The following NAV3 variants were observed in gnomAD, a reference collection of about 807,000 sequenced individuals.
The protein encoded by NAV3 is pore membrane and/or filament interacting like protein 1.
NAV3 carries 87 observed loss-of-function variants against 244.7 expected under a neutral mutation model. That is an observed-to-expected ratio of 0.36 (90% CI 0.30 to 0.42). The LOEUF (loss-of-function observed/expected upper bound fraction) is 0.42. Ranked by LOEUF, NAV3 falls within the 20% of genes least tolerant of loss-of-function variation. NAV3 has a pLI of 1.00. For synonymous variants in NAV3, 1,126 were observed against 1,042.2 expected (o/e 1.08, Z -1.55); for missense variants, 2,663 against 2,893.3 (o/e 0.92, Z 1.83).
intron 9 of NAV3, among the ~76,000 whole-genome samples, chr12:78,049,491 G>A (rs887438437): frequency 3.9e-5 from 6 of 152,130 alleles, no homozygotes; most frequent in Non-Finnish European, 7.4e-5. Context: ...CACTTCCCAG[G>A]TGAGGCAACA....
At chr12:77,928,346 C>A (rs1183848043) in intron 1 of NAV3, among the ~76,000 whole-genome samples, 1 of 151,878 alleles carries the variant, frequency 6.6e-6, no homozygotes, top group East Asian at 1.9e-4. Flanking sequence ...TAAATGAATG[C>A]CGAGGGGTTC....
In NAV3 at chr12:78,079,684, G is replaced by A. The variant is rs187543972; in HGVS notation, c.2636+20569G>A. Among the ~76,000 whole-genome samples the A allele has an allele frequency of 4.3e-3, 657 of 152,200 alleles. 3 individuals carry two copies. The highest frequency in any genetic ancestry group is 0.015 in the African/African-American group (613 of 41,542). ...TCTTTACAAATAAGACAATAAACAG[G>A]AGGCTTTTTTATTTAGAGAATGGCT... On this transcript the variant is annotated intron_variant, in intron 12 of 39. Transcript: ENST00000397909.
At chr12:77,915,950 A>G (rs974929503) in intron 1 of NAV3, among the ~76,000 whole-genome samples, 1 of 152,056 alleles carries the variant, frequency 6.6e-6, no homozygotes, top group African/African-American at 2.4e-5. Flanking sequence ...ATCAGGAGAC[A>G]AAGTTATGGT....
intron 2 of NAV3, among the ~76,000 whole-genome samples, chr12:77,694,258 A>T (rs1875181184): frequency 6.6e-6 from 1 of 151,712 alleles, no homozygotes; most frequent in South Asian, 2.1e-4. Context: ...TGAGGTCAGG[A>T]GATGGAGACC....
At chr12:78,076,865 T>C (rs1953077798) in intron 12 of NAV3, among the ~76,000 whole-genome samples, 1 of 152,192 alleles carries the variant, frequency 6.6e-6, no homozygotes, top group Admixed American at 6.5e-5. Flanking sequence ...TTCTAGCTTG[T>C]GGTAATTTTA....
chr12:78,127,176 T>C lies in NAV3; in HGVS notation c.4248T>C (p.Leu1416=), dbSNP rs752875925. The part of the protein sequence containing the change: ...VRSTLSESMQ[L]DRNTLPKKGL... ...TTCTTTGTTTTAACAGCATGCAGCT[T>C]GACAGAAATACACTACCCAAAAAGG... The change falls in exon 17 of 40, where the codon CTT becomes CTC. Residue 1416 remains leucine (L), a synonymous_variant. Transcript: ENST00000397909. The C allele has an allele frequency of 1.2e-6, 2 of 1,613,810 alleles. No individual in the cohort carries two copies. Among genetic ancestry groups the C allele is most frequent in the East Asian group, 4.5e-5 (2 of 44,852 alleles).
intron 12 of NAV3, among the ~76,000 whole-genome samples, chr12:78,100,616 A>T (rs1187514784): frequency 6.6e-6 from 1 of 152,054 alleles, no homozygotes; most frequent in Admixed American, 6.6e-5. Flanking sequence ...TGTTTTTAAA[A>T]CATATATCTG....
intron 9 of NAV3, among the ~76,000 whole-genome samples, chr12:78,032,170 A>G (rs953821979): frequency 6.6e-6 from 1 of 152,122 alleles, no homozygotes; most frequent in Non-Finnish European, 1.5e-5. Context: ...AATCATCCCT[A>G]TTGCATGACC....
chr12:78,200,596 A>G lies in NAV3; in HGVS notation c.6834+5A>G, dbSNP rs750748797. 1 of 1,422,776 alleles carries G rather than the reference A, an allele frequency of 7.0e-7. No individual in the cohort carries two copies. Among genetic ancestry groups the G allele is most frequent in the South Asian group, 1.4e-5 (1 of 69,114 alleles). 88.1% of individuals were successfully genotyped at this position (1,422,776 alleles called of 1,614,324 possible). On this transcript the variant is annotated splice_donor_5th_base_variant and intron_variant, in intron 38 of 39. Coordinates refer to ENST00000397909, the MANE Select transcript of NAV3 (RefSeq NM_001024383.2). ...GCAGTGAGAGAGGGTCTTCAGGTAT[A>G]GTACTCAATTTTCATTGCTATTTTT...
intron 2 of NAV3, among the ~76,000 whole-genome samples, chr12:77,599,235 C>T (rs1163264883): frequency 6.6e-6 from 1 of 151,884 alleles, no homozygotes; most frequent in Non-Finnish European, 1.5e-5. Flanking sequence ...TTCAATATTC[C>T]ATTGATACTA....
At chr12:78,074,075 T>C (rs1952921665) in intron 12 of NAV3, among the ~76,000 whole-genome samples, 1 of 152,178 alleles carries the variant, frequency 6.6e-6, no homozygotes, top group Non-Finnish European at 1.5e-5. Context: ...AATAAAGCTA[T>C]GAAAGTGGCA....
intron 39 of NAV3, among the ~76,000 whole-genome samples, chr12:78,209,369 T>C (rs1329321059): frequency 2.0e-5 from 3 of 152,024 alleles, no homozygotes; most frequent in Non-Finnish European, 4.4e-5. Context: ...AAAAAACTTT[T>C]GATTATAGAA....
intron 1 of NAV3, among the ~76,000 whole-genome samples, chr12:77,871,364 G>A (rs1192029741): frequency 1.3e-5 from 2 of 152,048 alleles, no homozygotes; most frequent in African/African-American, 4.8e-5. Flanking sequence ...AGGTAGACAC[G>A]TGCCATAATT....
intron 9 of NAV3, among the ~76,000 whole-genome samples, chr12:78,042,776 G>A (rs1478029449): frequency 6.6e-6 from 1 of 152,112 alleles, no homozygotes; most frequent in African/African-American, 2.4e-5. Context: ...GCAAAAGAGT[G>A]AGACTCTGTC....
intron 20 of NAV3, among the ~76,000 whole-genome samples, chr12:78,145,873 T>C (rs912667130): frequency 6.6e-6 from 1 of 152,162 alleles, no homozygotes; most frequent in Non-Finnish European, 1.5e-5. Context: ...TAGAGGTCTG[T>C]ATGTTACCCC....
chr12:77,817,193 A>G (rs1335140688), intron 2 of NAV3, among the ~76,000 whole-genome samples: 1 of 152,202 alleles, frequency 6.6e-6, no homozygotes, highest in East Asian at 1.9e-4. Context: ...TGAGGAAGAA[A>G]TGGCATCAAT....
chr12:78,011,903 G>C (rs947572429), intron 8 of NAV3, among the ~76,000 whole-genome samples: 11 of 152,106 alleles, frequency 7.2e-5, no homozygotes, highest in African/African-American at 2.7e-4. Flanking sequence ...GTGAGAAAGA[G>C]AGGACATGGG....
intron 3 of NAV3, among the ~76,000 whole-genome samples, chr12:77,948,412 A>T (rs957495551): frequency 6.6e-6 from 1 of 151,986 alleles, no homozygotes; most frequent in Non-Finnish European, 1.5e-5. Flanking sequence ...ATATATGCAT[A>T]TATAACTATT....
intron 12 of NAV3, among the ~76,000 whole-genome samples, chr12:78,073,255 T>C (rs1268493375): frequency 4.5e-5 from 6 of 133,934 alleles, no homozygotes; most frequent in Admixed American, 3.9e-4. Context: ...TTGTCCCTGT[T>C]TGCAGACGAC....
Sources: gnomAD v4.1 joint callset for allele counts (sites outside exome capture counted in the v4.1 genomes callset) on GRCh38, gnomAD v4.1.1 for gene constraint, MANE v1.5 for transcripts, NCBI Gene and HGNC (gene_info 2026-07-23, HGNC 2026-07-21) for gene names.